The following CHUK variants were observed in gnomAD, a reference collection of about 807,000 sequenced individuals.
The protein encoded by CHUK is component of inhibitor of nuclear factor kappa B kinase complex, also known as inhibitor of nuclear factor kappa-B kinase subunit alpha.
A neutral mutation model predicts 104.8 loss-of-function variants in CHUK; 35 were observed. The observed-to-expected ratio is 0.33, with a 90% CI of 0.26 to 0.44. The LOEUF (loss-of-function observed/expected upper bound fraction) is 0.44, where lower values mean the gene tolerates loss of function less well. Among genes scored for constraint, CHUK ranks in the 20% least tolerant of loss-of-function variants. CHUK has a pLI of 1.00. For synonymous variants in CHUK, 276 were observed against 291.9 expected (o/e 0.95, Z 0.56); for missense variants, 663 against 902.7 (o/e 0.73, Z 3.40).
chr10:100,199,429 C>T (rs376576322), intron 16 of CHUK, among the ~76,000 whole-genome samples: 75 of 152,296 alleles, frequency 4.9e-4, no homozygotes, highest in African/African-American at 1.7e-3. Context: ...CAGGTTCAAG[C>T]GATTCTCCTG....
At chr10:100,199,693 CCTCT>C (rs572475518) in intron 16 of CHUK, among the ~76,000 whole-genome samples, 63 of 152,260 alleles carry the variant, frequency 4.1e-4, no homozygotes, top group African/African-American at 1.3e-3. Flanking sequence ...GCTGCTTTTT[CCTCT>C]CTGAGTTCCT....
chr10:100,218,804 C>T lies in CHUK; in HGVS notation c.711G>A (p.Lys237=), dbSNP rs1845920548. 1 of 1,613,478 alleles carries T rather than the reference C, an allele frequency of 6.2e-7. No homozygotes were observed. Among genetic ancestry groups the T allele is most frequent in the Admixed American group, 1.7e-5 (1 of 59,982 alleles). ...CACATGCAAATATACACTTTGGATC[C>T]TTCTTCTTAATCTTCTCATGCCTAT... ...PFTWHEKIKK[K]DPKCIFACEE... Residue 237 remains lysine, a synonymous_variant, in exon 8 of 21, where the codon AAG becomes AAA. Transcript: ENST00000370397.
At chr10:100,220,539 G>C in intron 5 of CHUK, 49 bp downstream of exon 5, 1 of 1,252,254 alleles carries the variant, frequency 8.0e-7, no homozygotes, top group Non-Finnish European at 1.2e-6. Flanking sequence ...AACTATATCA[G>C]AGAGACTATA....
At chr10:100,208,192 A>G (rs1845635598) in intron 10 of CHUK, among the ~76,000 whole-genome samples, 1 of 152,026 alleles carries the variant, frequency 6.6e-6, no homozygotes, top group Non-Finnish European at 1.5e-5. Flanking sequence ...TGCAGCCTCA[A>G]CCTCCCTGGG....
chr10:100,204,677 AAAAG>A lies in CHUK; in HGVS notation c.1356-24_1356-21del, dbSNP rs761958712. The A allele has an allele frequency of 1.9e-6, 3 of 1,561,240 alleles. No homozygotes were observed. In the South Asian group the frequency reaches 3.4e-5, roughly 18 times the overall value. On this transcript the variant is annotated intron_variant, in intron 12 of 20. Transcript: ENST00000370397. ...CTTAACCTAAACCACAGCAAGAAAA[AAAAG>A]AAAAAGAAAAAAGATATTATCAGCA...
intron 4 of CHUK, among the ~76,000 whole-genome samples, chr10:100,220,877 T>C (rs1469034933): frequency 1.3e-5 from 2 of 152,208 alleles, no homozygotes; most frequent in Admixed American, 1.3e-4. Flanking sequence ...TTATACTATA[T>C]GTTCATTTAA....
chr10:100,198,539 A>G (rs1395115576), intron 16 of CHUK, among the ~76,000 whole-genome samples: 7 of 152,196 alleles, frequency 4.6e-5, no homozygotes, highest in Non-Finnish European at 7.3e-5. Context: ...ACCATCAATG[A>G]AAATGTCAAC....
At chr10:100,202,263 C>T (rs990451652) in intron 13 of CHUK, 114 bp from the exon 14 acceptor site, 1 of 747,720 alleles carries the variant, frequency 1.3e-6, no homozygotes, top group Non-Finnish European at 2.4e-6. Context: ...AATTGTGGTC[C>T]CCCAAAAGAT....
chr10:100,189,790 T>C (rs949916946), intron 20 of CHUK, among the ~76,000 whole-genome samples, 163 bp from the exon 21 acceptor site: 1 of 152,144 alleles, frequency 6.6e-6, no homozygotes, highest in African/African-American at 2.4e-5. Flanking sequence ...CAGAGTTTTT[T>C]TCATAAATAT....
At chr10:100,209,431 C>T (rs568102888) in intron 10 of CHUK, among the ~76,000 whole-genome samples, 164 bp downstream of exon 10, 5 of 152,182 alleles carry the variant, frequency 3.3e-5, no homozygotes, top group Non-Finnish European at 7.3e-5. Context: ...TGTTTCATTT[C>T]TATCCTGTTC....
At chr10:100,223,780 C>T (rs1035083848) in intron 2 of CHUK, among the ~76,000 whole-genome samples, 11 of 152,170 alleles carry the variant, frequency 7.2e-5, no homozygotes, top group Non-Finnish European at 1.5e-4. Flanking sequence ...TATTTCAAAT[C>T]CACACTTTAC....
intron 10 of CHUK, among the ~76,000 whole-genome samples, chr10:100,208,299 G>T (rs1361594259): frequency 6.6e-6 from 1 of 152,084 alleles, no homozygotes; most frequent in Non-Finnish European, 1.5e-5. Context: ...TAGAGACAGG[G>T]CTTCAACATG....
At chr10:100,207,847 G>C (rs1845625212) in intron 10 of CHUK, among the ~76,000 whole-genome samples, 1 of 151,792 alleles carries the variant, frequency 6.6e-6, no homozygotes, top group Non-Finnish European at 1.5e-5. Context: ...TGCAAAATTT[G>C]GTAAATTTAC....
intron 3 of CHUK, 60 bp from the exon 4 acceptor site, chr10:100,222,241 C>T: frequency 1.2e-6 from 1 of 836,052 alleles, no homozygotes; most frequent in African/African-American, 1.7e-5. Flanking sequence ...CAATAGTGAC[C>T]ACACATTAAT....
At chr10:100,221,046 A>G (rs1041424241) in intron 4 of CHUK, among the ~76,000 whole-genome samples, 1 of 152,076 alleles carries the variant, frequency 6.6e-6, no homozygotes, top group Non-Finnish European at 1.5e-5. Context: ...TGGGGAAACA[A>G]ATTTTTGGTT....
intron 16 of CHUK, among the ~76,000 whole-genome samples, chr10:100,199,719 T>C (rs1486126672): frequency 6.6e-6 from 1 of 152,176 alleles, no homozygotes; most frequent in Non-Finnish European, 1.5e-5. Context: ...TTTTCTGTCT[T>C]CCATTCTTTC....
At chr10:100,187,417 TC>T (rs1374019303), downstream of CHUK, 7 of 152,224 alleles carry the variant, frequency 4.6e-5, no homozygotes, top group Non-Finnish European at 1.0e-4. Context: ...ATTTTTATTA[TC>T]TAGGAATGTC....
intron 20 of CHUK, 191 bp downstream of exon 20, chr10:100,190,678 A>T (rs1051195500): frequency 3.1e-5 from 19 of 608,194 alleles, no homozygotes; most frequent in Middle Eastern, 6.2e-4. Context: ...AATTGATGAC[A>T]TAATCCTAGT....
At chr10:100,209,207 C>T (rs1028885314) in intron 10 of CHUK, among the ~76,000 whole-genome samples, 1 of 152,154 alleles carries the variant, frequency 6.6e-6, no homozygotes. Context: ...AAATAAACTA[C>T]GGAAAAACTT....
Sources: gnomAD v4.1 joint callset for allele counts (sites outside exome capture counted in the v4.1 genomes callset) on GRCh38, gnomAD v4.1.1 for gene constraint, MANE v1.5 for transcripts, NCBI Gene and HGNC (gene_info 2026-07-23, HGNC 2026-07-21) for gene names.